Variants in PDE6A observed in about 807,000 individuals in gnomAD.
The protein encoded by PDE6A is rod cGMP-specific 3',5'-cyclic phosphodiesterase subunit alpha.
In PDE6A, 84 loss-of-function variants were observed where a neutral mutation model predicts 106.3. That is an observed-to-expected ratio of 0.79 (90% confidence interval 0.66 to 0.95). The LOEUF is 0.95. Among genes scored for constraint, PDE6A ranks in the 40% least tolerant of loss-of-function variants. The pLI is 0.00. For missense variants in PDE6A, 1,052 were observed against 1,084.9 expected (o/e 0.97, Z 0.43); for synonymous variants, 394 against 386.6 (o/e 1.02, Z -0.23).
chr5:149,891,338 C>T (rs141678825), intron 13 of PDE6A, among the ~76,000 whole-genome samples: 78 of 152,196 alleles, frequency 5.1e-4, no homozygotes, highest in Admixed American at 1.7e-3. Context: ...GGGGTGGTGA[C>T]GCGTGCCTGT....
intron 6 of PDE6A, among the ~76,000 whole-genome samples, chr5:149,912,017 A>C (rs1753403896): frequency 6.6e-6 from 1 of 152,112 alleles, no homozygotes; most frequent in Non-Finnish European, 1.5e-5. Context: ...TAAATAAATA[A>C]AATTCAAATA....
At chr5:149,896,093 C>T (rs1752740136) in intron 12 of PDE6A, among the ~76,000 whole-genome samples, 1 of 152,134 alleles carries the variant, frequency 6.6e-6, no homozygotes, top group Non-Finnish European at 1.5e-5. Context: ...TGCAGCATAT[C>T]TATTCCCAGC....
intron 14 of PDE6A, among the ~76,000 whole-genome samples, chr5:149,885,116 G>C (rs1752239543): frequency 6.6e-6 from 1 of 152,190 alleles, no homozygotes. Flanking sequence ...ATCTAGCCCT[G>C]ATTCTTCACA....
In PDE6A at chr5:149,896,404, C is replaced by G; in HGVS notation, c.1572G>C (p.Gln524His). The G allele has an allele frequency of 6.2e-7, 1 of 1,614,084 alleles. No individual in the cohort carries two copies. The highest frequency in any genetic ancestry group is 8.5e-7 in the Non-Finnish European group (1 of 1,179,934). ...CCACCACTTTGAGCTCATAATACAT[C>G]TGTATTCCACATTTTACCAGCTCCA... is the stretch of plus-strand genomic sequence containing the variant. ...TELELVKCGIQMYYELKVVDK... is the reference protein window; with the variant it reads ...TELELVKCGIHMYYELKVVDK... Residue 524 changes from glutamine (Q) to histidine (H), a missense_variant, in exon 12 of 22, where the codon CAG (glutamine) becomes CAC (histidine). Physicochemically the swap from Gln to His is conservative, Grantham distance 24. Transcript: ENST00000255266.
At chr5:149,917,154 G>A (rs565569440) in intron 5 of PDE6A, among the ~76,000 whole-genome samples, 7 of 147,816 alleles carry the variant, frequency 4.7e-5, no homozygotes, top group African/African-American at 1.8e-4. Context: ...ATACAATTTT[G>A]TTTTTCTAGG....
chr5:149,931,416 G>GT (rs1208440674), intron 3 of PDE6A, among the ~76,000 whole-genome samples: 1 of 150,966 alleles, frequency 6.6e-6, no homozygotes, highest in Non-Finnish European at 1.5e-5. Context: ...TTATTCTGTA[G>GT]TTTTTAAAAA....
chr5:149,911,702 AT>A (rs796374371), intron 6 of PDE6A, among the ~76,000 whole-genome samples: 2 of 152,094 alleles, frequency 1.3e-5, no homozygotes, highest in African/African-American at 4.8e-5. Context: ...GTTGATTTAT[AT>A]TTTTTTAAAT....
chr5:149,921,307 AAAGG>A (rs1175983961), intron 5 of PDE6A, among the ~76,000 whole-genome samples: 1 of 152,064 alleles, frequency 6.6e-6, no homozygotes, highest in Non-Finnish European at 1.5e-5. Flanking sequence ...AAAGAAAGAA[AAAGG>A]AAGGAAGGAA....
intron 17 of PDE6A, among the ~76,000 whole-genome samples, chr5:149,875,207 T>G (rs1053285671): frequency 6.6e-6 from 1 of 152,060 alleles, no homozygotes; most frequent in African/African-American, 2.4e-5. Flanking sequence ...CATTTTTGAT[T>G]GTCACAGCTG....
chr5:149,931,297 G>A, intron 3 of PDE6A, 129 bp from the exon 4 acceptor site: 3 of 841,824 alleles, frequency 3.6e-6, no homozygotes, highest in Non-Finnish European at 5.9e-6. Flanking sequence ...ATAATCCAGA[G>A]AAATAGACAG....
intron 17 of PDE6A, among the ~76,000 whole-genome samples, chr5:149,869,643 T>C (rs980464766): frequency 1.3e-5 from 2 of 152,082 alleles, no homozygotes; most frequent in Admixed American, 6.5e-5. Context: ...TGGGGAACGG[T>C]TGAAGGTTAA....
chr5:149,879,291 C>G (rs554861498), intron 17 of PDE6A, among the ~76,000 whole-genome samples: 4 of 152,122 alleles, frequency 2.6e-5, no homozygotes, highest in African/African-American at 9.7e-5. Context: ...AGACTGGTCT[C>G]CAACTTCAGA....
chr5:149,927,598 A>C (rs181878250), intron 4 of PDE6A, among the ~76,000 whole-genome samples: 8 of 151,568 alleles, frequency 5.3e-5, no homozygotes, highest in African/African-American at 1.9e-4. Context: ...TTACTCTATA[A>C]ATTTTTAAAT....
At chr5:149,925,533 C>G (rs554102677) in intron 4 of PDE6A, among the ~76,000 whole-genome samples, 4 of 151,678 alleles carry the variant, frequency 2.6e-5, no homozygotes. Context: ...ATGACGAAAC[C>G]CCATCTGTGC....
chr5:149,916,631 G>C (rs1753563628), intron 5 of PDE6A, among the ~76,000 whole-genome samples: 1 of 152,166 alleles, frequency 6.6e-6, no homozygotes, highest in Admixed American at 6.5e-5. Context: ...TTGGATGTTG[G>C]CATGTGACTC....
Position 149,900,959 on chromosome 5 carries a change from A to G in PDE6A, c.1114-1435T>C, listed in dbSNP as rs560871728. The stretch of plus-strand genomic sequence containing the variant: ...GAGACGGAGTTTTGCTCTGTCACCC[A>G]GGCAGGAGTATAGTGGCACTATCTC... On this transcript the variant is annotated intron_variant, in intron 8 of 21. Transcript: ENST00000255266. 7.9e-5 allele frequency among the ~76,000 whole-genome samples: 12 copies of G among 152,298 alleles called. No homozygotes were observed. The South Asian group carries it at 2.5e-3, about 32-fold the overall frequency.
intron 13 of PDE6A, among the ~76,000 whole-genome samples, chr5:149,893,567 A>G (rs556346168): frequency 6.6e-6 from 1 of 152,322 alleles, no homozygotes; most frequent in Admixed American, 6.5e-5. Context: ...CTATGTGGGT[A>G]TGAGTAATTG....
At chr5:149,868,961 G>T (rs1052336095) in intron 17 of PDE6A, among the ~76,000 whole-genome samples, 1 of 151,756 alleles carries the variant, frequency 6.6e-6, no homozygotes, top group African/African-American at 2.4e-5. Context: ...AAATTTAAAA[G>T]GTAAAAAAAA....
intron 4 of PDE6A, among the ~76,000 whole-genome samples, chr5:149,926,504 T>C (rs556286376): frequency 2.0e-5 from 3 of 152,332 alleles, no homozygotes; most frequent in East Asian, 3.9e-4. Flanking sequence ...TGTAGAGCTA[T>C]ATGTGAAAGT....
Sources: gnomAD v4.1 joint callset for allele counts (sites outside exome capture counted in the v4.1 genomes callset) on GRCh38, gnomAD v4.1.1 for gene constraint, MANE v1.5 for transcripts, NCBI Gene and HGNC (gene_info 2026-07-23, HGNC 2026-07-21) for gene names.